Variants in LOXL4 observed in about 807,000 individuals in gnomAD.
The protein encoded by LOXL4 is lysyl oxidase homolog 4.
Under a neutral mutation model 89.1 loss-of-function variants are expected in LOXL4, and 72 were observed. The ratio of observed to expected loss-of-function variants is 0.81; its 90% CI spans 0.67 to 0.98. LOXL4 has a LOEUF of 0.98. Among genes scored for constraint, LOXL4 ranks in the 50% least tolerant of loss-of-function variants. The probability of loss-of-function intolerance (pLI) is 0.00; values close to 1 mark genes in which losing one functional copy is unlikely to be tolerated. For missense variants in LOXL4, 984 were observed against 1,017.5 expected, an observed-to-expected ratio of 0.97 and a Z score of 0.45; for synonymous variants, 355 against 392.1, an observed-to-expected ratio of 0.91 and a Z score of 1.12.
chr10:98,250,091 A>G (rs12413197), intron 14 of LOXL4, among the ~76,000 whole-genome samples: 3 of 151,820 alleles, frequency 2.0e-5, no homozygotes, highest in Admixed American at 2.0e-4. Context: ...TACAAAACAG[A>G]AAACTCAGGT....
Position 98,251,241 on chromosome 10 carries a change from G to T in LOXL4, c.2089-65C>A. On this transcript the variant is annotated intron_variant, in intron 13 of 14. Transcript: ENST00000260702. ...GTTTCTGAATGAGTTGACTGTGGCT[G>T]TGATAATCCTTACATGTGTTTCTAT... 1.7e-6 allele frequency: 2 copies of T among 1,193,796 alleles called. 1 individual carries two copies. The highest frequency in any genetic ancestry group is 2.5e-5 in the South Asian group (2 of 80,990). 74.0% of individuals were successfully genotyped at this position (1,193,796 alleles called of 1,614,324 possible).
In LOXL4 at chr10:98,248,832, C is replaced by T; in HGVS notation, c.*89G>A. The T allele has an allele frequency of 8.0e-7, 1 of 1,256,934 alleles. No homozygotes were observed. Among genetic ancestry groups the T allele is most frequent in the East Asian group, 2.4e-5 (1 of 41,700 alleles). 77.9% of individuals were successfully genotyped at this position (1,256,934 alleles called of 1,614,324 possible). A position where few individuals can be genotyped will look rare whatever the true frequency, so the allele number is the denominator to read the frequency against. ...GTGCCCCTTGGCACTGGCCCTTTTC[C>T]TCTGAGTTGGGACTCTGTGAAGGGC... On this transcript the variant is annotated 3_prime_UTR_variant, in exon 15 of 15. Coordinates refer to ENST00000260702, the MANE Select transcript of LOXL4 (RefSeq NM_032211.7).
chr10:98,258,087 G>A lies in LOXL4; in HGVS notation c.999C>T (p.Gly333=). 1 of 1,613,658 alleles carries A rather than the reference G, an allele frequency of 6.2e-7. No individual in the cohort carries two copies. Among genetic ancestry groups the A allele is most frequent in the Non-Finnish European group, 8.5e-7 (1 of 1,180,032 alleles). The change falls in exon 7 of 15, where the codon GGC becomes GGT. Residue 333 remains glycine (G), a synonymous_variant. Coordinates refer to ENST00000260702, the MANE Select transcript of LOXL4 (RefSeq NM_032211.7). ...RVEVLMNRQW[G]TVCDHRWNLI... ...GGTTCCACCTGTGGTCACAGACCGT[G>A]CCCCACTGGCGGTTCATGAGCACTT...
Position 98,257,736 on chromosome 10 carries a change from C to G in LOXL4, c.1174G>C (p.Ala392Pro). The G allele has an allele frequency of 6.2e-7, 1 of 1,614,140 alleles. No individual in the cohort carries two copies. Among genetic ancestry groups the G allele is most frequent in the Non-Finnish European group, 8.5e-7 (1 of 1,180,008 alleles). The part of the protein sequence containing the change: ...GYERTLSDCP[A>P]LEGSQNGCQH... ...CAACCATTCTGGGACCCTTCCAGGG[C>G]AGGGCAGTCGCTGAGGGTCCGCTCA... Residue 392 changes from alanine to proline, a missense_variant, in exon 8 of 15, where the codon GCC becomes CCC. Coordinates refer to ENST00000260702, the MANE Select transcript of LOXL4 (RefSeq NM_032211.7).
intron 8 of LOXL4, 137 bp from the exon 9 acceptor site, chr10:98,257,084 T>C: frequency 9.4e-7 from 1 of 1,059,424 alleles, no homozygotes; most frequent in Non-Finnish European, 1.3e-6. Flanking sequence ...CTTGGTCTCC[T>C]TCTCTGTAAG....
chr10:98,249,993 G>A (rs1448369134), intron 14 of LOXL4, among the ~76,000 whole-genome samples: 2 of 152,118 alleles, frequency 1.3e-5, no homozygotes, highest in Admixed American at 6.5e-5. Context: ...AGAAGCCCAC[G>A]GGATAAAATC....
At chr10:98,249,066 C>A in intron 14 of LOXL4, 75 bp from the exon 15 acceptor site, 1 of 1,128,378 alleles carries the variant, frequency 8.9e-7, no homozygotes, top group South Asian at 1.3e-5. Context: ...TACATAGATC[C>A]ACTCTGCCCA....
chr10:98,259,201 G>A lies in LOXL4; in HGVS notation c.729C>T (p.Ser243=), dbSNP rs759266779. 1.2e-6 allele frequency: 2 copies of A among 1,611,680 alleles called. No individual in the cohort carries two copies. The highest frequency in any genetic ancestry group is 2.2e-5 in the South Asian group (2 of 90,912). ...GGCAGGTGACCTGGTGGATCCAGAAGGAGTTCTTATTCGTCAGGCTCTTCA... is the reference window on the plus strand; with the variant it reads ...GGCAGGTGACCTGGTGGATCCAGAAAGAGTTCTTATTCGTCAGGCTCTTCA... ...SRLKSLTNKN[S]FWIHQVTCLG... The change falls in exon 6 of 15, where the codon TCC becomes TCT. Residue 243 remains serine (S), a synonymous_variant. Coordinates refer to ENST00000260702, the MANE Select transcript of LOXL4 (RefSeq NM_032211.7).
chr10:98,258,937 G>A lies in LOXL4; in HGVS notation c.921+72C>T, dbSNP rs557910381. The A allele has an allele frequency of 1.3e-4, 163 of 1,289,560 alleles. 2 individuals carry two copies. In the South Asian group the frequency reaches 2.0e-3, roughly 16 times the overall value. 79.9% of individuals were successfully genotyped at this position (1,289,560 alleles called of 1,614,324 possible). A position where few individuals can be genotyped will look rare whatever the true frequency, so the allele number is the denominator to read the frequency against. Reference sequence around the variant, plus strand: ...TCTCCTGCGTGTCCTGGACCTCCCCGCACCCCCCACCAGGCAGTGTCCCGC... The same window carrying A: ...TCTCCTGCGTGTCCTGGACCTCCCCACACCCCCCACCAGGCAGTGTCCCGC... On this transcript the variant is annotated intron_variant, in intron 6 of 14. Coordinates refer to ENST00000260702, the MANE Select transcript of LOXL4 (RefSeq NM_032211.7).
rs1858185114 is a variant in LOXL4, at chr10:98,251,256, T to C, written c.2089-80A>G. On this transcript the variant is annotated intron_variant, in intron 13 of 14. Coordinates refer to ENST00000260702, the MANE Select transcript of LOXL4 (RefSeq NM_032211.7). ...GACTGTGGCTGTGATAATCCTTACA[T>C]GTGTTTCTATTTGCTTCATTAATTC... The C allele has an allele frequency of 4.6e-6, 5 of 1,081,088 alleles. No homozygotes were observed. The Admixed American group carries it at 7.4e-5, about 16-fold the overall frequency. The allele number at this position is 1,081,088 out of a possible 1,614,324, so 67.0% of individuals were successfully genotyped here.
intron 13 of LOXL4, 61 bp from the exon 14 acceptor site, chr10:98,251,237 G>A (rs1364991307): frequency 8.1e-7 from 1 of 1,236,802 alleles, no homozygotes; most frequent in Admixed American, 1.7e-5. Flanking sequence ...AGTTGACTGT[G>A]GCTGTGATAA....
chr10:98,256,365 CAT>C (rs527551478), intron 9 of LOXL4: 218 of 228,520 alleles, frequency 9.5e-4, no homozygotes, highest in African/African-American at 3.8e-3. Context: ...ATCTTTCAAA[CAT>C]GTGGATTGCA....
chr10:98,263,138 A>G (rs1480756833), intron 1 of LOXL4, 87 bp from the exon 2 acceptor site: 1 of 1,074,238 alleles, frequency 9.3e-7, no homozygotes, highest in East Asian at 2.6e-5. Context: ...TGGCAAGACA[A>G]AGGAAAGAAA....
At position 98,253,685 on chromosome 10, in the gene LOXL4, G is replaced by T; in HGVS notation, c.1703C>A (p.Ser568Tyr). Residue 568 changes from serine (S) to tyrosine (Y), a missense_variant, in exon 11 of 15, where the codon TCT becomes TAT. Coordinates refer to ENST00000260702, the MANE Select transcript of LOXL4 (RefSeq NM_032211.7). ...CAHEENCLSK[S>Y]ADHMDWPYGY... is the part of the protein sequence containing the mutation. ...GTAGGGCCAGTCCATGTGATCCGCAGACTTGGAGAGGCAGTTCTCCTCGTG... is the reference window on the plus strand; with the variant it reads ...GTAGGGCCAGTCCATGTGATCCGCATACTTGGAGAGGCAGTTCTCCTCGTG... The T allele has an allele frequency of 6.2e-7, 1 of 1,614,284 alleles. No individual in the cohort carries two copies. The highest frequency in any genetic ancestry group is 8.5e-7 in the Non-Finnish European group (1 of 1,180,056).
rs1387178824 is a variant in LOXL4, at chr10:98,265,523, C to T, written c.-32-2472G>A. On this transcript the variant is annotated intron_variant, in intron 1 of 14. Transcript: ENST00000260702. ...GGTTCAAGTGATTATCTTGCCTTAG[C>T]CTCCCAAGTAGCTGGGATTACAGGC... is the stretch of plus-strand genomic sequence containing the variant. 1.5e-5 allele frequency among the ~76,000 whole-genome samples: 2 copies of T among 129,382 alleles called. 1 individual carries two copies. Among genetic ancestry groups the T allele is most frequent in the South Asian group, 5.1e-4 (2 of 3,900 alleles). 84.9% of individuals were successfully genotyped at this position (129,382 alleles called of 152,430 possible). A position where few individuals can be genotyped will look rare whatever the true frequency, so the allele number is the denominator to read the frequency against.
In LOXL4 at chr10:98,255,830, C is replaced by T. The variant is rs970219979; in HGVS notation, c.1429-91G>A. ...GGTGTGGCCTCAGTCATACCACCCC[C>T]ACCGGGTTGTGTCCAGCCTGGGCCT... On this transcript the variant is annotated intron_variant, in intron 9 of 14. Transcript: ENST00000260702. 7.5e-6 allele frequency: 11 copies of T among 1,471,450 alleles called. No individual in the cohort carries two copies. The East Asian group carries it at 1.9e-4, about 25-fold the overall frequency. The allele number at this position is 1,471,450 out of a possible 1,614,324, so 91.1% of individuals were successfully genotyped here.
At position 98,251,833 on chromosome 10, in the gene LOXL4, G is replaced by A. The variant is rs574098112; in HGVS notation, c.1952-131C>T. On this transcript the variant is annotated intron_variant, in intron 12 of 14. Transcript: ENST00000260702. ...GGACCGTCAGAGCTAGAATCCTGCTGTGAATCCAGCACCATAGCAAACCAC... is the reference window on the plus strand; with the variant it reads ...GGACCGTCAGAGCTAGAATCCTGCTATGAATCCAGCACCATAGCAAACCAC... 5.4e-6 allele frequency: 6 copies of A among 1,117,558 alleles called. No homozygotes were observed. The East Asian group carries it at 1.0e-4, about 19-fold the overall frequency. 69.2% of individuals were successfully genotyped at this position (1,117,558 alleles called of 1,614,324 possible). A position where few individuals can be genotyped will look rare whatever the true frequency, so the allele number is the denominator to read the frequency against.
Position 98,254,820 on chromosome 10 carries a change from G to A in LOXL4, c.1591+757C>T, listed in dbSNP as rs542596607. The stretch of plus-strand genomic sequence containing the variant: ...CTCATGCCCCATCCCTGCAGGGGAG[G>A]GTCTGATGGATGGGCCCAGTGTTCT... On this transcript the variant is annotated intron_variant, in intron 10 of 14. Coordinates refer to ENST00000260702, the MANE Select transcript of LOXL4 (RefSeq NM_032211.7). 2.5e-4 allele frequency among the ~76,000 whole-genome samples: 38 copies of A among 152,256 alleles called. 1 individual carries two copies. In the South Asian group the frequency reaches 4.8e-3, roughly 19 times the overall value.
At chr10:98,261,643 G>C (rs957455743) in intron 3 of LOXL4, among the ~76,000 whole-genome samples, 4 of 152,252 alleles carry the variant, frequency 2.6e-5, no homozygotes, top group African/African-American at 7.2e-5. Flanking sequence ...GAGGCTGGAG[G>C]CTGCCTGGCA....
Sources: allele counts gnomAD v4.1 joint callset (sites outside exome capture counted in the v4.1 genomes callset), GRCh38; gene constraint gnomAD v4.1.1; transcripts MANE v1.5; gene names NCBI Gene and HGNC (gene_info 2026-07-23, HGNC 2026-07-21).